Variants in CTNNA3 observed in about 807,000 individuals in gnomAD.
The protein encoded by CTNNA3 is catenin alpha-3.
Under a neutral mutation model 95.7 loss-of-function variants are expected in CTNNA3, and 76 were observed. That is an observed-to-expected ratio of 0.79 (90% CI 0.66 to 0.96). The LOEUF is 0.96. CTNNA3 is among the 40% of genes least tolerant of loss of function. The pLI, the probability that CTNNA3 is intolerant of heterozygous loss-of-function variation, is 0.00. For synonymous variants in CTNNA3, 431 were observed against 374.4 expected (o/e 1.15, Z -1.74); for missense variants, 1,191 against 1,089.8 (o/e 1.09, Z -1.31).
At chr10:66,981,167 G>A (rs1850415988) in intron 7 of CTNNA3, among the ~76,000 whole-genome samples, 1 of 152,218 alleles carries the variant, frequency 6.6e-6, no homozygotes, top group South Asian at 2.1e-4. Context: ...GCCTCCCAAA[G>A]TGCTGGGATT....
At chr10:67,122,062 G>A (rs1189722414) in intron 7 of CTNNA3, among the ~76,000 whole-genome samples, 1 of 146,484 alleles carries the variant, frequency 6.8e-6, no homozygotes, top group African/African-American at 2.5e-5. Flanking sequence ...TGCCAGTCAA[G>A]GACGTGAAGA....
intron 3 of CTNNA3, among the ~76,000 whole-genome samples, chr10:67,559,276 C>T (rs1053681293): frequency 2.0e-5 from 3 of 152,300 alleles, no homozygotes; most frequent in Non-Finnish European, 2.9e-5. Context: ...CGGCTGGGTA[C>T]CCCTCTGAGA....
At chr10:66,404,134 A>G (rs2093039857) in intron 11 of CTNNA3, among the ~76,000 whole-genome samples, 1 of 152,060 alleles carries the variant, frequency 6.6e-6, no homozygotes, top group South Asian at 2.1e-4. Flanking sequence ...TGACTCTTGA[A>G]TTTACTGGTC....
At chr10:66,582,615 C>T (rs772799602) in intron 10 of CTNNA3, among the ~76,000 whole-genome samples, 1 of 151,534 alleles carries the variant, frequency 6.6e-6, no homozygotes, top group African/African-American at 2.4e-5. Context: ...TTTTACAAAT[C>T]GAATGCCCTT....
chr10:67,493,928 T>C (rs1459465126), intron 5 of CTNNA3, among the ~76,000 whole-genome samples: 1 of 152,088 alleles, frequency 6.6e-6, no homozygotes, highest in Non-Finnish European at 1.5e-5. Flanking sequence ...AACAGGTTAA[T>C]ATGCTGAAAA....
At chr10:66,901,885 G>T (rs538257321) in intron 7 of CTNNA3, among the ~76,000 whole-genome samples, 366 of 152,252 alleles carry the variant, frequency 2.4e-3, no homozygotes, top group African/African-American at 8.3e-3. Context: ...AAGCAAGTCT[G>T]TAGAGACCTA....
Position 66,328,933 on chromosome 10 carries a change from T to TATATACAC in CTNNA3, c.1733-48313_1733-48312insGTGTATAT, listed in dbSNP as rs59003281. Among the ~76,000 whole-genome samples, 65 of 115,398 alleles carry TATATACAC rather than the reference T, an allele frequency of 5.6e-4. 1 individual carries two copies. Among genetic ancestry groups the TATATACAC allele is most frequent in the South Asian group, 3.6e-3 (12 of 3,298 alleles). 75.7% of individuals were successfully genotyped at this position (115,398 alleles called of 152,430 possible). ...ATACATATATATATATATATATATATACACACACACATATAAATATAATTT... is the reference window on the plus strand; with the variant it reads ...ATACATATATATATATATATATATATATATACACACACACACACATATAAATATAATTT... On this transcript the variant is annotated intron_variant, in intron 12 of 17. Coordinates refer to ENST00000433211, the MANE Select transcript of CTNNA3 (RefSeq NM_013266.4).
Position 65,916,679 on chromosome 10 carries a change from T to C in CTNNA3, c.*3651A>G, listed in dbSNP as rs183743997. On this transcript the variant is annotated 3_prime_UTR_variant, in exon 18 of 18. Coordinates refer to ENST00000433211, the MANE Select transcript of CTNNA3 (RefSeq NM_013266.4). ...TTTATTAGTCAATTTATACCTGGGA[T>C]AGAGATGAGAGACAGGAGAGAGATA... The C allele has an allele frequency of 5.1e-4, 78 of 152,228 alleles. No homozygotes were observed. Among genetic ancestry groups the C allele is most frequent in the African/African-American group, 1.8e-3 (76 of 41,536 alleles). 9.4% of individuals were successfully genotyped at this position (152,228 alleles called of 1,614,324 possible).
At chr10:66,632,641 T>C (rs1845185304) in intron 9 of CTNNA3, among the ~76,000 whole-genome samples, 1 of 151,032 alleles carries the variant, frequency 6.6e-6, no homozygotes, top group African/African-American at 2.4e-5. Context: ...TTCAGGGTAA[T>C]GGTAAAAAAT....
chr10:66,875,417 A>G (rs58781856), intron 7 of CTNNA3, among the ~76,000 whole-genome samples: 2 of 151,482 alleles, frequency 1.3e-5, no homozygotes, highest in Non-Finnish European at 2.9e-5. Context: ...AAAATAGAAG[A>G]AAGTAAATAG....
intron 5 of CTNNA3, among the ~76,000 whole-genome samples, chr10:67,394,126 A>G (rs1363151087): frequency 3.3e-5 from 5 of 152,192 alleles, no homozygotes; most frequent in African/African-American, 1.2e-4. Context: ...TTATCTTTAT[A>G]TAAATATGAC....
chr10:67,299,288 T>C (rs1000245949), intron 5 of CTNNA3, among the ~76,000 whole-genome samples: 1 of 152,060 alleles, frequency 6.6e-6, no homozygotes, highest in African/African-American at 2.4e-5. Flanking sequence ...ATAGCCTTCA[T>C]TACATGGATC....
chr10:66,038,474 C>G (rs962186313), intron 15 of CTNNA3, among the ~76,000 whole-genome samples: 52 of 152,024 alleles, frequency 3.4e-4, no homozygotes, highest in African/African-American at 1.1e-3. Flanking sequence ...TATGCTGTCT[C>G]ATTGTGAAAA....
chr10:67,741,777 A>G lies in CTNNA3; in HGVS notation c.-2+21657T>C, dbSNP rs1245708245. 3.3e-5 allele frequency among the ~76,000 whole-genome samples: 5 copies of G among 151,298 alleles called. No individual in the cohort carries two copies. The East Asian group carries it at 9.6e-4, about 29-fold the overall frequency. On this transcript the variant is annotated intron_variant, in intron 1 of 17. Transcript: ENST00000684154. ...CAGGAAACCCATTTCACGTGCACAG[A>G]CACACATAGGATCAAAATAAAGGGA...
intron 9 of CTNNA3, among the ~76,000 whole-genome samples, chr10:66,674,854 T>G (rs1846793386): frequency 6.6e-6 from 1 of 152,072 alleles, no homozygotes; most frequent in African/African-American, 2.4e-5. Flanking sequence ...GGTTGATTTA[T>G]TCCCAGGTGC....
intron 5 of CTNNA3, among the ~76,000 whole-genome samples, chr10:67,412,384 A>G (rs150839015): frequency 8.2e-4 from 125 of 152,268 alleles, no homozygotes; most frequent in African/African-American, 2.7e-3. Flanking sequence ...ATGATTCATC[A>G]GCATTCCTAA....
At chr10:66,128,767 G>C (rs981944186) in intron 13 of CTNNA3, among the ~76,000 whole-genome samples, 2 of 152,140 alleles carry the variant, frequency 1.3e-5, no homozygotes, top group Non-Finnish European at 2.9e-5. Flanking sequence ...CCTGATGTAA[G>C]GTACAGATTT....
At chr10:66,021,917 G>A (rs1372970239) in intron 15 of CTNNA3, among the ~76,000 whole-genome samples, 1 of 136,134 alleles carries the variant, frequency 7.3e-6, no homozygotes, top group South Asian at 2.4e-4. Context: ...ACAATTGTAC[G>A]ACCGCAGCTC....
At chr10:66,797,484 G>A (rs1841252743) in intron 7 of CTNNA3, among the ~76,000 whole-genome samples, 1 of 151,176 alleles carries the variant, frequency 6.6e-6, no homozygotes, top group Admixed American at 6.6e-5. Context: ...GAAACTAAGT[G>A]CTTTCCAATG....
Sources: allele counts gnomAD v4.1 joint callset (sites outside exome capture counted in the v4.1 genomes callset), GRCh38; gene constraint gnomAD v4.1.1; transcripts MANE v1.5; gene names NCBI Gene and HGNC (gene_info 2026-07-23, HGNC 2026-07-21).